ATXN1: variants seen among roughly 807,000 people sequenced by gnomAD.
ATXN1 encodes the protein ataxin-1.
Under a neutral mutation model 56.4 loss-of-function variants are expected in ATXN1, and 8 were observed. The observed-to-expected ratio is 0.14, with a 90% CI of 0.08 to 0.26. The LOEUF is 0.26. Ranked by LOEUF, ATXN1 falls within the 10% of genes least tolerant of loss-of-function variation. The pLI is 1.00. For synonymous variants in ATXN1, 514 were observed against 494.6 expected, an observed-to-expected ratio of 1.04 and a Z score of -0.52; for missense variants, 987 against 1,106.5, an observed-to-expected ratio of 0.89 and a Z score of 1.53.
At chr6:16,505,721 G>A (rs999396394) in intron 5 of ATXN1, among the ~76,000 whole-genome samples, 4 of 152,120 alleles carry the variant, frequency 2.6e-5, no homozygotes, top group African/African-American at 4.8e-5. Flanking sequence ...ATGAGGCTCC[G>A]ATAACAATAG....
intron 6 of ATXN1, among the ~76,000 whole-genome samples, chr6:16,399,176 G>A (rs9396669): frequency 0.15 from 22,351 of 152,168 alleles, 2,035 homozygotes; most frequent in East Asian, 0.39. Flanking sequence ...TTTGGAGGCC[G>A]TGTAACAAAA....
chr6:16,335,764 A>G (rs1483377952), intron 6 of ATXN1, among the ~76,000 whole-genome samples: 2 of 152,206 alleles, frequency 1.3e-5, no homozygotes, highest in Non-Finnish European at 2.9e-5. Flanking sequence ...TATAAGAGAA[A>G]GGCAGAGAAA....
intron 6 of ATXN1, among the ~76,000 whole-genome samples, chr6:16,357,357 C>A (rs1439238884): frequency 6.6e-6 from 1 of 151,944 alleles, no homozygotes; most frequent in Non-Finnish European, 1.5e-5. Flanking sequence ...GCAACCTCTG[C>A]CTCCCGGGTT....
chr6:16,525,160 C>T (rs1264621938), intron 4 of ATXN1, among the ~76,000 whole-genome samples: 1 of 152,128 alleles, frequency 6.6e-6, no homozygotes, highest in Non-Finnish European at 1.5e-5. Flanking sequence ...CCAGAAATCC[C>T]ACGACTGGGT....
chr6:16,646,806 TC>T (rs1173634097), intron 3 of ATXN1, among the ~76,000 whole-genome samples: 1 of 152,250 alleles, frequency 6.6e-6, no homozygotes, highest in African/African-American at 2.4e-5. Flanking sequence ...CTAGCTGGGT[TC>T]ACCTACATGT....
At chr6:16,751,416 G>A (rs556538506) in intron 2 of ATXN1, among the ~76,000 whole-genome samples, 3 of 152,294 alleles carry the variant, frequency 2.0e-5, no homozygotes, top group African/African-American at 7.2e-5. Flanking sequence ...TTTTACAAGA[G>A]TATCGTGTCT....
At chr6:16,339,513 G>T (rs1761196696) in intron 6 of ATXN1, among the ~76,000 whole-genome samples, 1 of 152,250 alleles carries the variant, frequency 6.6e-6, no homozygotes. Flanking sequence ...AAGACCCCAA[G>T]ACCTCCCGGG....
chr6:16,581,003 C>T (rs948291801), intron 4 of ATXN1, among the ~76,000 whole-genome samples: 12 of 152,048 alleles, frequency 7.9e-5, no homozygotes, highest in African/African-American at 2.9e-4. Flanking sequence ...TAGAAATGTA[C>T]ATTTCAACCT....
intron 1 of ATXN1, among the ~76,000 whole-genome samples, chr6:16,759,635 G>A (rs556436819): frequency 5.2e-4 from 68 of 131,984 alleles, no homozygotes; most frequent in Admixed American, 1.3e-3. Context: ...TATATACCAA[G>A]AAAGCAAAAC....
chr6:16,585,699 T>C (rs1399968484), intron 4 of ATXN1, 81 bp downstream of exon 4: 1 of 152,186 alleles, frequency 6.6e-6, no homozygotes, highest in Non-Finnish European at 1.5e-5. Context: ...TGACCAGATA[T>C]GTATACACCC....
At chr6:16,435,971 C>T (rs764595256) in intron 6 of ATXN1, among the ~76,000 whole-genome samples, 2 of 151,992 alleles carry the variant, frequency 1.3e-5, no homozygotes, top group Admixed American at 6.5e-5. Context: ...AATCTTGGCT[C>T]ACTGCAATCT....
At chr6:16,694,388 G>T (rs1759115789) in intron 2 of ATXN1, among the ~76,000 whole-genome samples, 1 of 151,748 alleles carries the variant, frequency 6.6e-6, no homozygotes, top group Non-Finnish European at 1.5e-5. Context: ...CAAGTAGCTG[G>T]GATTACAGGT....
At chr6:16,467,308 G>T (rs1012218925) in intron 6 of ATXN1, among the ~76,000 whole-genome samples, 1 of 152,256 alleles carries the variant, frequency 6.6e-6, no homozygotes, top group African/African-American at 2.4e-5. Context: ...TGCAAATTAT[G>T]TATGAAGAGG....
chr6:16,654,899 G>A (rs994973081), intron 3 of ATXN1, among the ~76,000 whole-genome samples: 1 of 152,016 alleles, frequency 6.6e-6, no homozygotes, highest in African/African-American at 2.4e-5. Context: ...GTGGTTTCCT[G>A]CACTTCATAA....
In ATXN1 at chr6:16,680,472, A is replaced by G. The variant is rs114131546; in HGVS notation, c.-614-22571T>C. ...AAACATACATTCCTCCGGGAGGATTAACAAACTGAGATACTAACAAGCTGT... is the reference window on the plus strand; with the variant it reads ...AAACATACATTCCTCCGGGAGGATTGACAAACTGAGATACTAACAAGCTGT... On this transcript the variant is annotated intron_variant, in intron 2 of 7. Coordinates refer to ENST00000436367, the MANE Select transcript of ATXN1 (RefSeq NM_001128164.2). 2.8e-3 allele frequency among the ~76,000 whole-genome samples: 422 copies of G among 152,256 alleles called. 1 individual carries two copies. The highest frequency in any genetic ancestry group is 4.7e-3 in the Non-Finnish European group (319 of 68,010).
chr6:16,629,442 C>T (rs1294810872), intron 3 of ATXN1, among the ~76,000 whole-genome samples: 1 of 152,094 alleles, frequency 6.6e-6, no homozygotes, highest in Non-Finnish European at 1.5e-5. Flanking sequence ...ATTCTCCTGC[C>T]TCAGCCTCCC....
In ATXN1 at chr6:16,704,006, C is replaced by T. The variant is rs185465609; in HGVS notation, c.-614-46105G>A. On this transcript the variant is annotated intron_variant, in intron 2 of 7. Coordinates refer to ENST00000436367, the MANE Select transcript of ATXN1 (RefSeq NM_001128164.2). Reference sequence around the variant, plus strand: ...TGCACTCCAGTGCAGGCAACAAGAGCGAGATTCCATCTCAAAAAAACAAAG... The same window carrying T: ...TGCACTCCAGTGCAGGCAACAAGAGTGAGATTCCATCTCAAAAAAACAAAG... Among the ~76,000 whole-genome samples the T allele has an allele frequency of 4.9e-4, 74 of 152,220 alleles. No individual in the cohort carries two copies. The East Asian group carries it at 0.014, about 29-fold the overall frequency.
At chr6:16,455,867 C>T (rs985758342) in intron 6 of ATXN1, among the ~76,000 whole-genome samples, 1 of 152,182 alleles carries the variant, frequency 6.6e-6, no homozygotes, top group African/African-American at 2.4e-5. Context: ...CCAATCAGCA[C>T]TTGGTAAAAT....
intron 4 of ATXN1, among the ~76,000 whole-genome samples, chr6:16,550,721 A>G (rs1310449331): frequency 1.3e-5 from 2 of 152,258 alleles, no homozygotes; most frequent in African/African-American, 4.8e-5. Flanking sequence ...TCGAATGTCA[A>G]GTTCTATACA....
Sources: gnomAD v4.1 joint callset for allele counts (sites outside exome capture counted in the v4.1 genomes callset) on GRCh38, gnomAD v4.1.1 for gene constraint, MANE v1.5 for transcripts, NCBI Gene and HGNC (gene_info 2026-07-23, HGNC 2026-07-21) for gene names.